LRRC8C: variants seen among roughly 807,000 people sequenced by gnomAD.
The protein encoded by LRRC8C is volume-regulated anion channel subunit LRRC8C.
Under a neutral mutation model 55.3 loss-of-function variants are expected in LRRC8C, and 20 were observed. That is an observed-to-expected ratio of 0.36 (90% CI 0.25 to 0.53). The LOEUF is 0.53. LRRC8C is among the 20% of genes least tolerant of loss of function. The pLI is 0.92. For missense variants in LRRC8C, 659 were observed against 951.4 expected (o/e 0.69, Z 4.04); for synonymous variants, 376 against 360.7 (o/e 1.04, Z -0.48).
intron 2 of LRRC8C, among the ~76,000 whole-genome samples, chr1:89,707,635 G>GGTGTGT: frequency 7.1e-6 from 1 of 140,918 alleles, no homozygotes; most frequent in African/African-American, 2.6e-5. Flanking sequence ...AGGTGTGGCT[G>GGTGTGT]GTGTGTGTGT....
chr1:89,621,349 G>A, the LRRC8C span, among the ~76,000 whole-genome samples: 1 of 151,022 alleles, frequency 6.6e-6, no homozygotes, highest in South Asian at 2.1e-4. Context: ...GGCGCCTGTA[G>A]TCCCAGCTAC....
intron 1 of LRRC8C, among the ~76,000 whole-genome samples, chr1:89,666,311 T>A (rs2101225586): frequency 6.6e-6 from 1 of 152,178 alleles, no homozygotes; most frequent in East Asian, 1.9e-4. Flanking sequence ...GTTAATAATA[T>A]AAAGGAGACG....
intron 2 of LRRC8C, among the ~76,000 whole-genome samples, chr1:89,702,050 C>T (rs1020316307): frequency 3.0e-4 from 45 of 152,186 alleles, no homozygotes; most frequent in Admixed American, 1.2e-3. Flanking sequence ...ATGCTGGAGC[C>T]AGTACTTCAG....
At chr1:89,629,577 A>G (rs1367507316), upstream of LRRC8C, 2 of 152,246 alleles carry the variant, frequency 1.3e-5, no homozygotes, top group Non-Finnish European at 2.9e-5. Context: ...TAGAGCCTGT[A>G]GTATAATAAG....
At chr1:89,643,173 C>A (rs1216330768) in intron 1 of LRRC8C, among the ~76,000 whole-genome samples, 2 of 152,214 alleles carry the variant, frequency 1.3e-5, no homozygotes, top group African/African-American at 4.8e-5. Flanking sequence ...CTCACTACAA[C>A]CTCTACCTCT....
At chr1:89,701,542 G>GT (rs1658325046) in intron 2 of LRRC8C, among the ~76,000 whole-genome samples, 1 of 151,980 alleles carries the variant, frequency 6.6e-6, no homozygotes, top group South Asian at 2.1e-4. Flanking sequence ...ATATAGGAAA[G>GT]TAAGTATTTT....
Position 89,714,251 on chromosome 1 carries a change from G to A in LRRC8C, c.1681G>A (p.Val561Ile). 1 of 1,614,106 alleles carries A rather than the reference G, an allele frequency of 6.2e-7. No individual in the cohort carries two copies. The highest frequency in any genetic ancestry group is 8.5e-7 in the Non-Finnish European group (1 of 1,180,026). The change falls in exon 3 of 3, where the codon GTT becomes ATT. Residue 561 changes from valine (V) to isoleucine (I), a missense_variant. Val to Ile is a conservative substitution (Grantham distance 29). Around this residue, in one of 5 missense-constraint regions of LRRC8C, gnomAD observed 344 missense variants for 464.6 expected, o/e 0.74. Transcript: ENST00000370454. This position sits in a 1 kb window ranked among gnomAD's most constrained non-coding sequence, Gnocchi z 4.6. ...SNVSKIPQAV[V>I]DVSSHLQKMC... ...CGTTTCCAAAATCCCTCAGGCAGTG[G>A]TTGATGTTTCCAGCCATCTCCAGAA...
At chr1:89,654,508 C>G (rs542087068) in intron 1 of LRRC8C, among the ~76,000 whole-genome samples, 5 of 152,288 alleles carry the variant, frequency 3.3e-5, no homozygotes, top group African/African-American at 1.2e-4. Flanking sequence ...GGGTGTCTTA[C>G]TCCCTTTATA....
chr1:89,711,454 C>T (rs546379110), intron 2 of LRRC8C, among the ~76,000 whole-genome samples: 20 of 152,238 alleles, frequency 1.3e-4, no homozygotes, highest in Admixed American at 3.9e-4. Context: ...GGATTTTCAG[C>T]CATTTGACAT....
At chr1:89,668,846 A>G (rs1159367535) in intron 1 of LRRC8C, among the ~76,000 whole-genome samples, 1 of 152,172 alleles carries the variant, frequency 6.6e-6, no homozygotes, top group Non-Finnish European at 1.5e-5. Context: ...AGTAAGCATG[A>G]TAACATTATA....
At chr1:89,644,363 A>G (rs1656552934) in intron 1 of LRRC8C, among the ~76,000 whole-genome samples, 1 of 152,120 alleles carries the variant, frequency 6.6e-6, no homozygotes. Flanking sequence ...TTTAGTAGAG[A>G]CAGGGTTTTA....
At chr1:89,624,427 A>C in the LRRC8C span, among the ~76,000 whole-genome samples, 1 of 152,228 alleles carries the variant, frequency 6.6e-6, no homozygotes, top group Non-Finnish European at 1.5e-5. Flanking sequence ...CGTGTTCTAT[A>C]TCAGTTTCAG....
chr1:89,675,342 T>C (rs1657522263), intron 1 of LRRC8C, among the ~76,000 whole-genome samples: 2 of 152,202 alleles, frequency 1.3e-5, no homozygotes. Flanking sequence ...GTTTTAATGC[T>C]CTTGAGGGCA....
At chr1:89,693,567 G>A (rs905947361) in intron 2 of LRRC8C, among the ~76,000 whole-genome samples, 1 of 148,504 alleles carries the variant, frequency 6.7e-6, no homozygotes, top group African/African-American at 2.5e-5. Flanking sequence ...TCAGAATACT[G>A]ATGAAATCAC....
At chr1:89,632,023 T>C (rs1656121159), upstream of LRRC8C, 1 of 152,256 alleles carries the variant, frequency 6.6e-6, no homozygotes, top group South Asian at 2.1e-4. Flanking sequence ...CACATACATC[T>C]GCCTTTTCCA....
rs140551863 is a variant in LRRC8C at position 89,701,062 on chromosome 1, A to C, written c.139-11647A>C. On this transcript the variant is annotated intron_variant, in intron 2 of 2. Transcript: ENST00000370454. ...TTTGGGGGTCCAAGGCAGGAGGATC[A>C]CTTGAGCCCAGGAGTTCAAGACTAG... Among the ~76,000 whole-genome samples the C allele has an allele frequency of 2.0e-3, 301 of 152,326 alleles. 1 individual carries two copies. The highest frequency in any genetic ancestry group is 6.9e-3 in the African/African-American group (287 of 41,560).
At chr1:89,644,981 G>A (rs984801515) in intron 1 of LRRC8C, among the ~76,000 whole-genome samples, 8 of 152,100 alleles carry the variant, frequency 5.3e-5, no homozygotes, top group African/African-American at 1.9e-4. Context: ...ATGTCATCCA[G>A]AATATCCAGG....
At chr1:89,625,237 T>A in the LRRC8C span, 1 of 145,236 alleles carries the variant, frequency 6.9e-6, no homozygotes, top group South Asian at 2.1e-4. Flanking sequence ...AATTTTAATA[T>A]CTATGTATAA....
At chr1:89,636,025 T>C (rs1227292359) in intron 1 of LRRC8C, among the ~76,000 whole-genome samples, 2 of 152,214 alleles carry the variant, frequency 1.3e-5, no homozygotes, top group Non-Finnish European at 2.9e-5. Context: ...TGGCATGGGG[T>C]AAAGAGAATG....
Sources: allele counts gnomAD v4.1 joint callset (sites outside exome capture counted in the v4.1 genomes callset), GRCh38; gene constraint gnomAD v4.1.1; regional missense constraint gnomAD v4.1.1; non-coding constraint Gnocchi (gnomAD v3.1); transcripts MANE v1.5; gene names NCBI Gene and HGNC (gene_info 2026-07-23, HGNC 2026-07-21).